MKLN1: variants seen among roughly 807,000 people sequenced by gnomAD.
MKLN1 encodes the protein muskelin.
In MKLN1, 18 loss-of-function variants were observed where a neutral mutation model predicts 99.0. The ratio of observed to expected loss-of-function variants is 0.18; its 90% CI spans 0.13 to 0.27. The LOEUF is 0.27. Ranked by LOEUF, MKLN1 falls within the 10% of genes least tolerant of loss-of-function variation. The probability of loss-of-function intolerance (pLI) is 1.00; values close to 1 mark genes in which losing one functional copy is unlikely to be tolerated. For synonymous variants in MKLN1, 288 were observed against 293.2 expected (o/e 0.98, Z 0.18); for missense variants, 621 against 875.9 (o/e 0.71, Z 3.67).
At chr7:131,412,234 G>A (rs1002487160) in intron 7 of MKLN1, among the ~76,000 whole-genome samples, 7 of 152,172 alleles carry the variant, frequency 4.6e-5, no homozygotes, top group Admixed American at 2.0e-4. Flanking sequence ...ACAGAAGGTT[G>A]GGCAGCTTTT....
At chr7:131,442,632 T>A (rs1795873346) in intron 10 of MKLN1, among the ~76,000 whole-genome samples, 1 of 152,220 alleles carries the variant, frequency 6.6e-6, no homozygotes, top group Non-Finnish European at 1.5e-5. Flanking sequence ...GAATTGAACA[T>A]CAAATGGTTG....
At chr7:131,327,838 G>A (rs1006619512), upstream of MKLN1, 9 of 1,592,280 alleles carry the variant, frequency 5.7e-6, no homozygotes, top group South Asian at 1.1e-5. Flanking sequence ...AGCAGGCCAC[G>A]CCCCCTCCCC....
At chr7:131,121,686 T>C (rs1032158100) in intron 1 of MKLN1, among the ~76,000 whole-genome samples, 1 of 144,122 alleles carries the variant, frequency 6.9e-6, no homozygotes, top group African/African-American at 2.5e-5. Flanking sequence ...GCCTCAGATA[T>C]GTCTTTATAG....
intron 2 of MKLN1, among the ~76,000 whole-genome samples, chr7:131,162,466 T>C (rs182637251): frequency 6.6e-6 from 1 of 152,290 alleles, no homozygotes; most frequent in Non-Finnish European, 1.5e-5. Context: ...CAAGCACAGA[T>C]TGTCCCATGG....
chr7:131,393,704 G>C (rs947427839), intron 4 of MKLN1, among the ~76,000 whole-genome samples: 4 of 152,152 alleles, frequency 2.6e-5, no homozygotes, highest in Non-Finnish European at 4.4e-5. Flanking sequence ...ATAGCTCACT[G>C]TAACACTGAA....
intron 8 of MKLN1, among the ~76,000 whole-genome samples, chr7:131,423,932 A>G (rs956980503): frequency 6.6e-6 from 1 of 152,254 alleles, no homozygotes; most frequent in African/African-American, 2.4e-5. Flanking sequence ...TGTTGTAATC[A>G]TAGCTTTATG....
At chr7:131,270,899 TA>T (rs1162107799) in intron 3 of MKLN1, among the ~76,000 whole-genome samples, 2 of 152,090 alleles carry the variant, frequency 1.3e-5, no homozygotes, top group Non-Finnish European at 2.9e-5. Flanking sequence ...TCCTCCTCTG[TA>T]AAAACCAGCT....
chr7:131,143,692 G>A (rs1466648102), intron 2 of MKLN1, among the ~76,000 whole-genome samples: 2 of 152,020 alleles, frequency 1.3e-5, no homozygotes, highest in South Asian at 2.1e-4. Flanking sequence ...AGGACTACAG[G>A]TGGCATGTGC....
intron 1 of MKLN1, among the ~76,000 whole-genome samples, chr7:131,134,562 T>G (rs1795618966): frequency 6.6e-6 from 1 of 152,210 alleles, no homozygotes; most frequent in Admixed American, 6.5e-5. Context: ...GCATCCCCTC[T>G]GCACTTGCTC....
chr7:131,118,314 G>A (rs1351854801), intron 1 of MKLN1, among the ~76,000 whole-genome samples: 2 of 152,174 alleles, frequency 1.3e-5, no homozygotes, highest in Non-Finnish European at 2.9e-5. Context: ...AACACTTTGG[G>A]AGGCCGAGGT....
chr7:131,336,945 A>G (rs951850595), intron 1 of MKLN1, among the ~76,000 whole-genome samples: 1 of 152,074 alleles, frequency 6.6e-6, no homozygotes, highest in African/African-American at 2.4e-5. Context: ...CTTGTTTGAA[A>G]TTTATTTATT....
At chr7:131,429,884 C>A (rs1275235816) in intron 9 of MKLN1, among the ~76,000 whole-genome samples, 1 of 152,142 alleles carries the variant, frequency 6.6e-6, no homozygotes, top group Non-Finnish European at 1.5e-5. Flanking sequence ...CTGGCTGATA[C>A]ATATTATCTT....
At chr7:131,171,026 T>G (rs540018187) in intron 2 of MKLN1, among the ~76,000 whole-genome samples, 15 of 152,252 alleles carry the variant, frequency 9.9e-5, no homozygotes, top group African/African-American at 3.4e-4. Context: ...CCTCAAAGAT[T>G]TTACATGTCA....
chr7:131,317,000 A>C (rs1798680109), intron 3 of MKLN1, among the ~76,000 whole-genome samples: 1 of 152,222 alleles, frequency 6.6e-6, no homozygotes, highest in South Asian at 2.1e-4. Context: ...TCTGAAAGTG[A>C]TGGGGAGAAT....
rs545043764 is a variant in MKLN1, at chr7:131,447,582, A to G, written c.1525+1679A>G. ...GGAGAGAGGTAATACTCCTTCTACA[A>G]TCCTAAGATGGGTCTCCCTGAAAAA... On this transcript the variant is annotated intron_variant, in intron 12 of 17. Transcript: ENST00000352689. 4.6e-5 allele frequency among the ~76,000 whole-genome samples: 7 copies of G among 152,314 alleles called. No individual in the cohort carries two copies. The South Asian group carries it at 1.2e-3, about 27-fold the overall frequency.
At chr7:131,446,175 C>T (rs1796010619) in intron 12 of MKLN1, among the ~76,000 whole-genome samples, 1 of 152,086 alleles carries the variant, frequency 6.6e-6, no homozygotes. Flanking sequence ...GAATCAATAT[C>T]TTAAAAACTT....
At chr7:131,121,196 G>T (rs1795362948) in intron 1 of MKLN1, among the ~76,000 whole-genome samples, 1 of 152,106 alleles carries the variant, frequency 6.6e-6, no homozygotes, top group African/African-American at 2.4e-5. Flanking sequence ...GATCTCGTGA[G>T]AACTCACTCA....
rs760102571 is a variant in MKLN1, at chr7:131,436,756, C to T, written c.961-1029C>T. ...CTATGCAATTGAAGTTCTTTTTCCC[C>T]GATGAACCCTTTTGACTATACTACA... On this transcript the variant is annotated intron_variant, in intron 9 of 17. Transcript: ENST00000352689. 7.2e-5 allele frequency among the ~76,000 whole-genome samples: 11 copies of T among 152,236 alleles called. No homozygotes were observed. In the Middle Eastern group the frequency reaches 0.02, roughly 282 times the overall value.
chr7:131,398,860 T>C (rs1316420183), intron 5 of MKLN1, among the ~76,000 whole-genome samples: 1 of 152,246 alleles, frequency 6.6e-6, no homozygotes, highest in African/African-American at 2.4e-5. Flanking sequence ...GATTATTTAA[T>C]GTTCTTTTGT....
Sources: allele counts gnomAD v4.1 joint callset (sites outside exome capture counted in the v4.1 genomes callset), GRCh38; gene constraint gnomAD v4.1.1; transcripts MANE v1.5; gene names NCBI Gene and HGNC (gene_info 2026-07-23, HGNC 2026-07-21).